The following BCAS3 variants were observed in gnomAD, a reference collection of about 807,000 sequenced individuals.
BCAS3 encodes BCAS3 microtubule associated cell migration factor.
Under a neutral mutation model 116.1 loss-of-function variants are expected in BCAS3, and 53 were observed. The observed-to-expected ratio is 0.46, with a 90% CI of 0.37 to 0.57. BCAS3 has a LOEUF of 0.57. BCAS3 is among the 20% of genes least tolerant of loss of function. BCAS3 has a pLI of 0.00. For missense variants in BCAS3, 917 were observed against 1,165.4 expected, an observed-to-expected ratio of 0.79 and a Z score of 3.10; for synonymous variants, 391 against 408.2, an observed-to-expected ratio of 0.96 and a Z score of 0.51.
Position 61,258,586 on chromosome 17 carries a change from C to T in BCAS3, c.2426-109741C>T, listed in dbSNP as rs964442021. ...TGTAAAGTGCCTGGCACAAAACAGGCGCTTAATAAATGTTAGACTGTTCCC... is the reference window on the plus strand; with the variant it reads ...TGTAAAGTGCCTGGCACAAAACAGGTGCTTAATAAATGTTAGACTGTTCCC... On this transcript the variant is annotated intron_variant, in intron 22 of 23. Transcript: ENST00000407086. This position sits in a 1 kb window ranked among gnomAD's most constrained non-coding sequence, Gnocchi z 4.7. 1.3e-5 allele frequency among the ~76,000 whole-genome samples: 2 copies of T among 152,212 alleles called. No individual in the cohort carries two copies. The highest frequency in any genetic ancestry group is 1.3e-4 in the Admixed American group (2 of 15,278).
chr17:60,988,338 C>CTTTTTTTTTT (rs71148317), intron 14 of BCAS3, among the ~76,000 whole-genome samples: 36 of 66,734 alleles, frequency 5.4e-4, no homozygotes, highest in African/African-American at 9.2e-4. Context: ...TTTTCTTTTT[C>CTTTTTTTTTT]TTTTTTTTTT....
chr17:60,717,509 C>G (rs1055937640), intron 5 of BCAS3, among the ~76,000 whole-genome samples: 1 of 152,110 alleles, frequency 6.6e-6, no homozygotes, highest in Non-Finnish European at 1.5e-5. Context: ...AGCCACCATG[C>G]CCGGCAGAAT....
chr17:61,086,439 A>G (rs1415940843), intron 22 of BCAS3, among the ~76,000 whole-genome samples: 1 of 152,218 alleles, frequency 6.6e-6, no homozygotes, highest in Non-Finnish European at 1.5e-5. Context: ...ATGTAAAGTC[A>G]TCTCATGCAA....
Position 61,392,747 on chromosome 17 carries a change from T to C in BCAS3, c.*622T>C, listed in dbSNP as rs1203040209. ...AAGCCCCTTTACCCTGGTCCTGTAC[T>C]GATCAGTGAAGGAAACCGTGGTTAC... On this transcript the variant is annotated 3_prime_UTR_variant, in exon 24 of 24. Transcript: ENST00000407086. The surrounding 1 kb of genome is among the most constrained non-coding windows in gnomAD (Gnocchi z 6.4). 1 of 152,398 alleles carries C rather than the reference T, an allele frequency of 6.6e-6. No individual in the cohort carries two copies. The highest frequency in any genetic ancestry group is 1.5e-5 in the Non-Finnish European group (1 of 68,190). 9.4% of individuals were successfully genotyped at this position (152,398 alleles called of 1,614,324 possible). A position where few individuals can be genotyped will look rare whatever the true frequency, so the allele number is the denominator to read the frequency against.
chr17:60,810,344 C>G (rs1181310935), intron 7 of BCAS3: 1 of 448,490 alleles, frequency 2.2e-6, no homozygotes, highest in Non-Finnish European at 4.3e-6. Flanking sequence ...GGCATGGGGT[C>G]CAGGGGCCTG....
intron 22 of BCAS3, among the ~76,000 whole-genome samples, chr17:61,216,138 AG>A (rs1232957260): frequency 1.4e-4 from 22 of 152,332 alleles, no homozygotes; most frequent in Middle Eastern, 3.4e-3. Context: ...GTTTCAGATT[AG>A]GGGGCACAAT....
rs2060069742 is a variant in BCAS3, at chr17:61,390,309, G to A, written c.2594-1668G>A. Reference sequence around the variant, plus strand: ...CATGGCACGATGGCCTGTCCCCCCAGATTAGGGTGATACTGAAGGAGGAGC... The same window carrying A: ...CATGGCACGATGGCCTGTCCCCCCAAATTAGGGTGATACTGAAGGAGGAGC... On this transcript the variant is annotated intron_variant, in intron 23 of 23. Transcript: ENST00000407086. The surrounding 1 kb of genome is among the most constrained non-coding windows in gnomAD (Gnocchi z 6.8). 6.6e-6 allele frequency: 1 copy of A among 152,446 alleles called. No homozygotes were observed. The highest frequency in any genetic ancestry group is 1.9e-4 in the East Asian group (1 of 5,186). 9.4% of individuals were successfully genotyped at this position (152,446 alleles called of 1,614,324 possible). A position where few individuals can be genotyped will look rare whatever the true frequency, so the allele number is the denominator to read the frequency against.
chr17:60,710,024 T>C (rs1242316737), intron 5 of BCAS3, among the ~76,000 whole-genome samples: 2 of 152,048 alleles, frequency 1.3e-5, no homozygotes, highest in Non-Finnish European at 2.9e-5. Context: ...GCTGTATTGC[T>C]CAGGATGGTC....
intron 5 of BCAS3, among the ~76,000 whole-genome samples, chr17:60,742,087 G>T (rs1399822714): frequency 6.6e-6 from 1 of 152,096 alleles, no homozygotes; most frequent in Admixed American, 6.5e-5. Flanking sequence ...TAGGAATACT[G>T]AAATAAATTT....
chr17:61,336,057 C>A (rs1292942782), intron 22 of BCAS3, among the ~76,000 whole-genome samples: 3 of 152,266 alleles, frequency 2.0e-5, no homozygotes, highest in Admixed American at 1.3e-4. Flanking sequence ...TTTCCTTTCG[C>A]GCCTCCAGCT....
intron 22 of BCAS3, among the ~76,000 whole-genome samples, chr17:61,179,397 A>G (rs1450188382): frequency 1.3e-5 from 2 of 152,104 alleles, no homozygotes; most frequent in African/African-American, 2.4e-5. Flanking sequence ...TCATGTGGAA[A>G]AGTAAGAACT....
At chr17:60,842,944 T>C (rs924948130) in intron 7 of BCAS3, among the ~76,000 whole-genome samples, 2 of 151,650 alleles carry the variant, frequency 1.3e-5, no homozygotes, top group Non-Finnish European at 2.9e-5. Flanking sequence ...CAATTATAGC[T>C]CATTGCAGTC....
In BCAS3 at chr17:61,171,838, G is replaced by A. The variant is rs75167002; in HGVS notation, c.2425+87274G>A. Among the ~76,000 whole-genome samples, 424 of 148,398 alleles carry A rather than the reference G, an allele frequency of 2.9e-3. 4 individuals are homozygous for A. The highest frequency in any genetic ancestry group is 0.01 in the African/African-American group (403 of 40,254). The stretch of plus-strand genomic sequence containing the variant: ...TGTAGAAATGGAGTCTCACTGTGTT[G>A]TTCGGGCTGTTCTTGAACTTCTGGA... On this transcript the variant is annotated intron_variant, in intron 22 of 23. Transcript: ENST00000407086. This position sits in a 1 kb window ranked among gnomAD's most constrained non-coding sequence, Gnocchi z 4.1.
intron 3 of BCAS3, among the ~76,000 whole-genome samples, chr17:60,686,726 A>G (rs1397023233): frequency 1.3e-5 from 2 of 152,126 alleles, no homozygotes; most frequent in African/African-American, 2.4e-5. Flanking sequence ...GGGTTTCACC[A>G]TGTTAGCCAG....
intron 6 of BCAS3, among the ~76,000 whole-genome samples, chr17:60,759,812 G>A (rs1321516321): frequency 3.9e-5 from 6 of 152,002 alleles, no homozygotes; most frequent in African/African-American, 1.4e-4. Flanking sequence ...GTACAGGTGT[G>A]CACCACCATG....
intron 14 of BCAS3, among the ~76,000 whole-genome samples, chr17:60,977,110 G>A (rs1245101614): frequency 6.6e-6 from 1 of 151,986 alleles, no homozygotes; most frequent in Non-Finnish European, 1.5e-5. Context: ...GGCGGGGGCT[G>A]CCCCCCACCT....
At position 61,278,526 on chromosome 17, in the gene BCAS3, A is replaced by G. The variant is rs1050836310; in HGVS notation, c.2426-89801A>G. On this transcript the variant is annotated intron_variant, in intron 22 of 23. Coordinates refer to ENST00000407086, the MANE Select transcript of BCAS3 (RefSeq NM_017679.5). This position sits in a 1 kb window ranked among gnomAD's most constrained non-coding sequence, Gnocchi z 5.8. ...CAAAGGAATTGAATGCAGGAACAGG[A>G]ACAGATGCTTCTGCGTTCCTTGTGG... 6.6e-6 allele frequency among the ~76,000 whole-genome samples: 1 copy of G among 152,198 alleles called. No individual in the cohort carries two copies.
chr17:60,831,761 G>A (rs1256108604), intron 7 of BCAS3, among the ~76,000 whole-genome samples: 1 of 151,434 alleles, frequency 6.6e-6, no homozygotes, highest in Non-Finnish European at 1.5e-5. Context: ...TAAATGACAA[G>A]CCCTCAAATA....
chr17:61,380,260 T>C lies in BCAS3; in HGVS notation c.2594-11717T>C. On this transcript the variant is annotated intron_variant, in intron 23 of 23. Transcript: ENST00000407086. The surrounding 1 kb of genome is among the most constrained non-coding windows in gnomAD (Gnocchi z 4.2). ...CCCAGCCCTGTGCAGCAGGCAGGAG[T>C]GTAGGAACTCAGGCAGCTGGACTGG... 1 of 540,360 alleles carries C rather than the reference T, an allele frequency of 1.9e-6. No individual in the cohort carries two copies. The allele number at this position is 540,360 out of a possible 1,614,324, so 33.5% of individuals were successfully genotyped here.
Sources: gnomAD v4.1 joint callset for allele counts (sites outside exome capture counted in the v4.1 genomes callset) on GRCh38, gnomAD v4.1.1 for gene constraint, Gnocchi (gnomAD v3.1) non-coding constraint, MANE v1.5 for transcripts, NCBI Gene and HGNC (gene_info 2026-07-23, HGNC 2026-07-21) for gene names.